The following ANKRD44 variants were observed in gnomAD, a reference collection of about 807,000 sequenced individuals.
ANKRD44 encodes the protein ankyrin repeat domain 44, also known as serine/threonine-protein phosphatase 6 regulatory ankyrin repeat subunit B.
ANKRD44 carries 35 observed loss-of-function variants against 116.0 expected under a neutral mutation model. The observed-to-expected ratio is 0.30, with a 90% CI of 0.23 to 0.40. The LOEUF is 0.40. ANKRD44 is among the 10% of genes least tolerant of loss of function. The pLI is 1.00. For synonymous variants in ANKRD44, 435 were observed against 461.8 expected, an observed-to-expected ratio of 0.94 and a Z score of 0.74; for missense variants, 1,014 against 1,242.6, an observed-to-expected ratio of 0.82 and a Z score of 2.77.
rs535464100 is a variant in ANKRD44, at chr2:197,244,961, A to G, written c.28-57855T>C. Among the ~76,000 whole-genome samples the G allele has an allele frequency of 1.8e-4, 28 of 152,278 alleles. No homozygotes were observed. The South Asian group carries it at 4.8e-3, about 26-fold the overall frequency. ...AACCGCAAATCTAAAATATTTAGGG[A>G]AAAAAATAAAAAATAATAATACAAT... is the stretch of plus-strand genomic sequence containing the variant. On this transcript the variant is annotated intron_variant, in intron 1 of 27. Coordinates refer to ENST00000282272, the MANE Select transcript of ANKRD44 (RefSeq NM_001195144.2).
In ANKRD44 at chr2:196,999,054, T is replaced by C; in HGVS notation, c.2520-2A>G. 2 of 1,612,822 alleles carry C rather than the reference T, an allele frequency of 1.2e-6. No individual in the cohort carries two copies. The highest frequency in any genetic ancestry group is 1.7e-6 in the Non-Finnish European group (2 of 1,179,572). ...AATGCTGCCGCATGAAGGGGTGTCCTAAAGATTTAAAACAAGTATCACTTT... is the reference window on the plus strand; with the variant it reads ...AATGCTGCCGCATGAAGGGGTGTCCCAAAGATTTAAAACAAGTATCACTTT... On this transcript the variant is annotated splice_acceptor_variant, in intron 23 of 27. Transcript: ENST00000282272. LOFTEE classifies it high-confidence loss of function.
At chr2:197,229,744 T>A (rs2081811482) in intron 1 of ANKRD44, among the ~76,000 whole-genome samples, 2 of 152,144 alleles carry the variant, frequency 1.3e-5, no homozygotes, top group South Asian at 4.1e-4. Flanking sequence ...ATTAAGTAAC[T>A]TTCCCCAAAG....
chr2:196,987,824 A>T lies in ANKRD44; in HGVS notation c.*1767T>A. ...CAAATAAAAGCACTAAGCAACTAAGACTCAGTTAAAAACACATTTTTTTTT... is the reference window on the plus strand; with the variant it reads ...CAAATAAAAGCACTAAGCAACTAAGTCTCAGTTAAAAACACATTTTTTTTT... On this transcript the variant is annotated 3_prime_UTR_variant, in exon 28 of 28. Coordinates refer to ENST00000282272, the MANE Select transcript of ANKRD44 (RefSeq NM_001195144.2). The T allele has an allele frequency of 2.0e-6, 2 of 983,980 alleles. No individual in the cohort carries two copies. The highest frequency in any genetic ancestry group is 2.4e-6 in the Non-Finnish European group (2 of 829,508). 61.0% of individuals were successfully genotyped at this position (983,980 alleles called of 1,614,324 possible).
intron 16 of ANKRD44, among the ~76,000 whole-genome samples, chr2:197,061,350 T>C (rs1470301942): frequency 6.6e-6 from 1 of 152,100 alleles, no homozygotes; most frequent in Non-Finnish European, 1.5e-5. Context: ...CAGGAGGTGG[T>C]AGAGTGCAGA....
At chr2:197,020,813 T>TATAAACA (rs1188949910) in intron 17 of ANKRD44, among the ~76,000 whole-genome samples, 3 of 151,622 alleles carry the variant, frequency 2.0e-5, no homozygotes, top group African/African-American at 7.3e-5. Flanking sequence ...TTTATTATTA[T>TATAAACA]TATACTTTAA....
At chr2:197,102,683 C>G (rs921591559) in intron 9 of ANKRD44, among the ~76,000 whole-genome samples, 2 of 151,870 alleles carry the variant, frequency 1.3e-5, no homozygotes, top group Admixed American at 6.6e-5. Context: ...ATACTGATAT[C>G]TAAACCATAT....
intron 21 of ANKRD44, among the ~76,000 whole-genome samples, chr2:197,005,195 T>A (rs1339324800): frequency 1.3e-5 from 2 of 152,198 alleles, no homozygotes; most frequent in African/African-American, 4.8e-5. Flanking sequence ...GATGCATTTT[T>A]AAATTAAGTG....
At chr2:196,997,536 G>A (rs1302418734) in intron 25 of ANKRD44, among the ~76,000 whole-genome samples, 2 of 146,000 alleles carry the variant, frequency 1.4e-5, no homozygotes, top group African/African-American at 5.1e-5. Context: ...TGCAACCTCT[G>A]CCTCCCGGGT....
chr2:197,127,300 T>C (rs2078997891), intron 4 of ANKRD44, among the ~76,000 whole-genome samples: 1 of 152,204 alleles, frequency 6.6e-6, no homozygotes, highest in Admixed American at 6.5e-5. Flanking sequence ...AATCCTAAAG[T>C]TTTAGTCTGC....
Position 197,081,716 on chromosome 2 carries a change from G to C in ANKRD44, c.1467C>G (p.Ile489Met). 6.2e-7 allele frequency: 1 copy of C among 1,613,366 alleles called. No homozygotes were observed. Among genetic ancestry groups the C allele is most frequent in the South Asian group, 1.1e-5 (1 of 90,988 alleles). ...CTGAATTATCATGGGCATTTCCTAA[G>C]ATAGTCTTACTTCTCAGCATAAAGG... is the stretch of plus-strand genomic sequence containing the variant. ...AASDMDRNKT[I>M]LGNAHDNSEE... Residue 489 changes from isoleucine (I) to methionine (M), a missense_variant, in exon 15 of 28, where the codon ATC becomes ATG. Physicochemically the swap from Ile to Met is conservative, Grantham distance 10 (BLOSUM62 1). Coordinates refer to ENST00000282272, the MANE Select transcript of ANKRD44 (RefSeq NM_001195144.2).
intron 1 of ANKRD44, among the ~76,000 whole-genome samples, chr2:197,259,412 T>A (rs577660481): frequency 2.0e-5 from 3 of 152,282 alleles, no homozygotes; most frequent in Admixed American, 1.3e-4. Context: ...ACTTGGAAGA[T>A]ATGGGAGTTA....
chr2:197,123,274 A>G (rs938955161), intron 6 of ANKRD44, among the ~76,000 whole-genome samples: 1 of 152,260 alleles, frequency 6.6e-6, no homozygotes, highest in African/African-American at 2.4e-5. Flanking sequence ...ACTGCTGCTC[A>G]ACTGTATTTG....
chr2:197,039,475 C>T (rs1168610427), intron 16 of ANKRD44, among the ~76,000 whole-genome samples: 1 of 152,194 alleles, frequency 6.6e-6, no homozygotes, highest in African/African-American at 2.4e-5. Flanking sequence ...CGGCTACTCC[C>T]TTGATATTCA....
At chr2:197,181,613 T>C (rs1192251695) in intron 2 of ANKRD44, among the ~76,000 whole-genome samples, 2 of 152,196 alleles carry the variant, frequency 1.3e-5, no homozygotes, top group Admixed American at 1.3e-4. Context: ...AAAAGTGCCA[T>C]GAACCATTAG....
chr2:197,218,535 T>G (rs184787043), intron 1 of ANKRD44, among the ~76,000 whole-genome samples: 104 of 152,228 alleles, frequency 6.8e-4, no homozygotes, highest in Non-Finnish European at 1.3e-3. Context: ...ATAACTACAG[T>G]TGAAGGGCCA....
intron 10 of ANKRD44, among the ~76,000 whole-genome samples, chr2:197,096,845 T>C (rs2078172496): frequency 6.6e-6 from 1 of 152,126 alleles, no homozygotes; most frequent in Admixed American, 6.5e-5. Context: ...TATTTTGCCC[T>C]AGGGTCGTTT....
intron 2 of ANKRD44, among the ~76,000 whole-genome samples, chr2:197,168,197 T>G (rs2080143074): frequency 1.3e-5 from 2 of 152,170 alleles, no homozygotes; most frequent in Non-Finnish European, 2.9e-5. Context: ...GACAAGTCTT[T>G]CCACAGAACA....
rs149219503 is a variant in ANKRD44, at chr2:197,065,083, C to G, written c.1650+13620G>C. On this transcript the variant is annotated intron_variant, in intron 16 of 27. Coordinates refer to ENST00000282272, the MANE Select transcript of ANKRD44 (RefSeq NM_001195144.2). ...GCACTCCTCAGCAAATGTAAAAGAACAGAAATTCCATCAAACTGTCTCTCA... is the reference window on the plus strand; with the variant it reads ...GCACTCCTCAGCAAATGTAAAAGAAGAGAAATTCCATCAAACTGTCTCTCA... Among the ~76,000 whole-genome samples the G allele has an allele frequency of 1.9e-3, 288 of 152,266 alleles. 1 individual carries two copies. Among genetic ancestry groups the G allele is most frequent in the African/African-American group, 6.5e-3 (272 of 41,546 alleles).
At chr2:197,291,822 C>G (rs527930419) in intron 1 of ANKRD44, among the ~76,000 whole-genome samples, 73 of 152,274 alleles carry the variant, frequency 4.8e-4, no homozygotes, top group African/African-American at 1.6e-3. Flanking sequence ...ATCCCTCCCC[C>G]ATCCCACCAC....
Sources: allele counts gnomAD v4.1 joint callset (sites outside exome capture counted in the v4.1 genomes callset), GRCh38; gene constraint gnomAD v4.1.1; transcripts MANE v1.5; gene names NCBI Gene and HGNC (gene_info 2026-07-23, HGNC 2026-07-21).